Variants in CASKIN1 observed in about 807,000 individuals in gnomAD.
The protein encoded by CASKIN1 is caskin-1.
CASKIN1 carries 42 observed loss-of-function variants against 117.5 expected under a neutral mutation model. The ratio of observed to expected loss-of-function variants is 0.36; its 90% CI spans 0.28 to 0.46. The LOEUF is 0.46. CASKIN1 is among the 20% of genes least tolerant of loss of function. The pLI, the probability that CASKIN1 is intolerant of heterozygous loss-of-function variation, is 1.00. For missense variants in CASKIN1, 2,083 were observed against 2,077.3 expected, an observed-to-expected ratio of 1.00 and a Z score of -0.05; for synonymous variants, 1,148 against 961.7, an observed-to-expected ratio of 1.19 and a Z score of -3.59.
chr16:2,188,343 C>A (rs761142097), intron 6 of CASKIN1, among the ~76,000 whole-genome samples: 10 of 151,200 alleles, frequency 6.6e-5, no homozygotes, highest in Non-Finnish European at 1.5e-5. Flanking sequence ...TGCATCACCA[C>A]AACCAGCCGA....
chr16:2,193,091 C>T (rs1401328955), intron 1 of CASKIN1, among the ~76,000 whole-genome samples: 1 of 152,136 alleles, frequency 6.6e-6, no homozygotes, highest in African/African-American at 2.4e-5. Flanking sequence ...GATCTCGGCT[C>T]ACCACAACCT....
chr16:2,179,485 C>T lies in CASKIN1; in HGVS notation c.3775+108G>A, dbSNP rs1452363533. 5.0e-6 allele frequency: 7 copies of T among 1,387,194 alleles called. No individual in the cohort carries two copies. Among genetic ancestry groups the T allele is most frequent in the South Asian group, 4.7e-5 (3 of 63,952 alleles). The allele number at this position is 1,387,194 out of a possible 1,614,324, so 85.9% of individuals were successfully genotyped here. A position where few individuals can be genotyped will look rare whatever the true frequency, so the allele number is the denominator to read the frequency against. The stretch of plus-strand genomic sequence containing the variant: ...AGAGGGTCTGGGGACACGTTCCCAC[C>T]CCACCTGGGCTTCCATCAAACCCAA... On this transcript the variant is annotated intron_variant, in intron 18 of 19. Coordinates refer to ENST00000343516, the MANE Select transcript of CASKIN1 (RefSeq NM_020764.4). This position sits in a 1 kb window ranked among gnomAD's most constrained non-coding sequence, Gnocchi z 5.8.
chr16:2,188,991 C>T, intron 6 of CASKIN1, 36 bp downstream of exon 6: 1 of 1,592,986 alleles, frequency 6.3e-7, no homozygotes, highest in Non-Finnish European at 8.6e-7. Context: ...ACCCTGGGGA[C>T]CCTAAGGCTG....
intron 14 of CASKIN1, among the ~76,000 whole-genome samples, 178 bp from the exon 15 acceptor site, chr16:2,184,119 G>A (rs891971573): frequency 3.3e-5 from 5 of 151,866 alleles, no homozygotes; most frequent in East Asian, 1.9e-4. Context: ...CCGCGGTCCC[G>A]GAGGCGCCTC....
chr16:2,190,828 G>A (rs1208265727), intron 1 of CASKIN1, among the ~76,000 whole-genome samples: 1 of 152,164 alleles, frequency 6.6e-6, no homozygotes, highest in Non-Finnish European at 1.5e-5. Context: ...TATCTCTGGG[G>A]GAGGATCTGC....
intron 1 of CASKIN1, among the ~76,000 whole-genome samples, chr16:2,195,997 T>C (rs956870755): frequency 6.6e-6 from 1 of 151,754 alleles, no homozygotes; most frequent in Non-Finnish European, 1.5e-5. Context: ...GCCTCGCCCT[T>C]TGAAGGCCCC....
At chr16:2,184,443 G>A (rs920916547) in intron 14 of CASKIN1, among the ~76,000 whole-genome samples, 5 of 152,090 alleles carry the variant, frequency 3.3e-5, no homozygotes, top group Admixed American at 6.5e-5. Context: ...ACCATACGCC[G>A]TGCCCATGCA....
chr16:2,188,903 C>T, intron 6 of CASKIN1, 124 bp downstream of exon 6: 1 of 1,398,736 alleles, frequency 7.1e-7, no homozygotes, highest in African/African-American at 1.4e-5. Flanking sequence ...GAGGCCTGAC[C>T]AGGGACCTGG....
At position 2,177,865 on chromosome 16, in the gene CASKIN1, C is replaced by A. The variant is rs182199125; in HGVS notation, c.*685G>T. 3.4e-6 allele frequency: 1 copy of A among 290,840 alleles called. No homozygotes were observed. Among genetic ancestry groups the A allele is most frequent in the Non-Finnish European group, 6.6e-6 (1 of 151,768 alleles). The allele number at this position is 290,840 out of a possible 1,614,324, so 18.0% of individuals were successfully genotyped here. A position where few individuals can be genotyped will look rare whatever the true frequency, so the allele number is the denominator to read the frequency against. ...ACGGAGGAGCCCCCGGCAGAGCACC[C>A]GCCCCCGGGCCCCAGCCTTCCACCT... On this transcript the variant is annotated 3_prime_UTR_variant, in exon 20 of 20. Coordinates refer to ENST00000343516, the MANE Select transcript of CASKIN1 (RefSeq NM_020764.4).
rs769706479 is a variant in CASKIN1 at position 2,180,470 on chromosome 16, C to A, written c.2898G>T (p.Pro966=). ...CATCCTCAGGCTCGGCGTCAGGCAC[C>A]GGCTCATCCGCCAGGTTGGCACTAG... The part of the protein sequence containing the change: ...ALASANLADE[P]VPDAEPEDGL... The change falls in exon 18 of 20, where the codon CCG becomes CCT. Residue 966 remains proline, a synonymous_variant. Coordinates refer to ENST00000343516, the MANE Select transcript of CASKIN1 (RefSeq NM_020764.4). The A allele has an allele frequency of 6.4e-7, 1 of 1,552,030 alleles. No individual in the cohort carries two copies. Among genetic ancestry groups the A allele is most frequent in the Middle Eastern group, 1.7e-4 (1 of 5,914 alleles).
rs1437225832 is a variant in CASKIN1, at chr16:2,177,906, G to T, written c.*644C>A. 2 of 330,434 alleles carry T rather than the reference G, an allele frequency of 6.1e-6. No homozygotes were observed. Among genetic ancestry groups the T allele is most frequent in the East Asian group, 1.2e-4 (2 of 17,078 alleles). 20.5% of individuals were successfully genotyped at this position (330,434 alleles called of 1,614,324 possible). On this transcript the variant is annotated 3_prime_UTR_variant, in exon 20 of 20. Coordinates refer to ENST00000343516, the MANE Select transcript of CASKIN1 (RefSeq NM_020764.4). ...CCTTCCACCTGTGCTAGCAGCCTGG[G>T]GCCTCCACTCTGGCCGGAGGAAGGA...
intron 1 of CASKIN1, among the ~76,000 whole-genome samples, chr16:2,194,960 G>C (rs59343385): frequency 0.099 from 15,038 of 152,284 alleles, 795 homozygotes; most frequent in African/African-American, 0.13. Context: ...CCCACCGTGA[G>C]GCTGACATCC....
Position 2,178,363 on chromosome 16 carries a change from A to G in CASKIN1, c.*187T>C. On this transcript the variant is annotated 3_prime_UTR_variant, in exon 20 of 20. Coordinates refer to ENST00000343516, the MANE Select transcript of CASKIN1 (RefSeq NM_020764.4). Reference sequence around the variant, plus strand: ...GGACCCGCGGGCGCAGGGTCTGCCTAGAGCCCTTGGAGCCCCCGGCCAGGC... The same window carrying G: ...GGACCCGCGGGCGCAGGGTCTGCCTGGAGCCCTTGGAGCCCCCGGCCAGGC... The G allele has an allele frequency of 2.1e-6, 1 of 468,302 alleles. No individual in the cohort carries two copies. Among genetic ancestry groups the G allele is most frequent in the Non-Finnish European group, 3.8e-6 (1 of 265,256 alleles). The allele number at this position is 468,302 out of a possible 1,614,324, so 29.0% of individuals were successfully genotyped here. A position where few individuals can be genotyped will look rare whatever the true frequency, so the allele number is the denominator to read the frequency against.
Position 2,180,879 on chromosome 16 carries a change from C to T in CASKIN1, c.2489G>A (p.Arg830His), listed in dbSNP as rs901937796. The change falls in exon 18 of 20, where the codon CGC (arginine) becomes CAC (histidine). Residue 830 changes from arginine to histidine, a missense_variant. By Grantham distance (29) the Arg-to-His change is conservative. This residue lies in a region of CASKIN1 where 1,818 missense variants were observed against 1,688.9 expected (regional missense o/e 1.08). Coordinates refer to ENST00000343516, the MANE Select transcript of CASKIN1 (RefSeq NM_020764.4). The part of the protein sequence containing the change: ...PRSLPQSPTH[R>H]GFAYVLPQPV... ...CTGGGGCAGCACGTAGGCAAAGCCG[C>T]GGTGCGTCGGTGACTGAGGCAGGGA... The T allele has an allele frequency of 4.9e-6, 7 of 1,426,126 alleles. No homozygotes were observed. In the South Asian group the frequency reaches 7.9e-5, roughly 16 times the overall value. The allele number at this position is 1,426,126 out of a possible 1,614,324, so 88.3% of individuals were successfully genotyped here.
rs921095844 is a variant in CASKIN1 at position 2,180,803 on chromosome 16, G to A, written c.2565C>T (p.Pro855=). Residue 855 remains proline, a synonymous_variant, in exon 18 of 20, where the codon CCC becomes CCT. Coordinates refer to ENST00000343516, the MANE Select transcript of CASKIN1 (RefSeq NM_020764.4). The part of the protein sequence containing the change: ...GPAAPGPAPP[P]VPTAVPTLCL... The stretch of plus-strand genomic sequence containing the variant: ...ACAGTGTGGGCACAGCCGTCGGCAC[G>A]GGTGGGGGCGCAGGCCCCGGGGCAG... 3.6e-5 allele frequency: 50 copies of A among 1,398,614 alleles called. No individual in the cohort carries two copies. The highest frequency in any genetic ancestry group is 2.4e-4 in the Middle Eastern group (1 of 4,202). The allele number at this position is 1,398,614 out of a possible 1,614,324, so 86.6% of individuals were successfully genotyped here.
rs1330366270 is a variant in CASKIN1, at chr16:2,180,362, CTTCACACTGCCGGCACTACCCGTG to C, written c.2982_3005del (p.Asp994_Lys1002delinsGlu). On this transcript the variant is annotated inframe_deletion, in exon 18 of 20. Coordinates refer to ENST00000343516, the MANE Select transcript of CASKIN1 (RefSeq NM_020764.4). ...ACAGCTCCAGCATGGCCGCGATGCT[CTTCACACTGCCGGCACTACCCGTG>C]TCCACGCTGCCGGCCAGGTCACTGG... 6.3e-7 allele frequency: 1 copy of C among 1,595,606 alleles called. No homozygotes were observed. The highest frequency in any genetic ancestry group is 1.7e-5 in the Admixed American group (1 of 59,530).
At position 2,196,552 on chromosome 16, in the gene CASKIN1, C is replaced by T. The variant is rs2141334640; in HGVS notation, c.-120G>A. 4.4e-6 allele frequency: 1 copy of T among 225,284 alleles called. No individual in the cohort carries two copies. The highest frequency in any genetic ancestry group is 2.4e-5 in the African/African-American group (1 of 42,222). 14.0% of individuals were successfully genotyped at this position (225,284 alleles called of 1,614,324 possible). ...CGCCTCCCCCGCCGCCTCCTCGCCG[C>T]CCGCCGCCCCTTCGCCCTCCTCGGG... is the stretch of plus-strand genomic sequence containing the variant. On this transcript the variant is annotated 5_prime_UTR_variant, in exon 1 of 20. Coordinates refer to ENST00000343516, the MANE Select transcript of CASKIN1 (RefSeq NM_020764.4). This position sits in a 1 kb window ranked among gnomAD's most constrained non-coding sequence, Gnocchi z 5.7.
chr16:2,178,977 T>G lies in CASKIN1; in HGVS notation c.4124A>C (p.Glu1375Ala). 1.4e-6 allele frequency: 2 copies of G among 1,432,456 alleles called. No individual in the cohort carries two copies. The highest frequency in any genetic ancestry group is 9.1e-7 in the Non-Finnish European group (1 of 1,097,506). 88.7% of individuals were successfully genotyped at this position (1,432,456 alleles called of 1,614,324 possible). ...CGCCGCGGCCAGGCACGCGCTTGTC[T>G]CCTCCAGTTTCTGCCGGGCGCTGTC... is the stretch of plus-strand genomic sequence containing the variant. Reference protein sequence around the residue: ...PGDSARQKLEETSACLAAALQ... With the variant: ...PGDSARQKLEATSACLAAALQ... Residue 1375 changes from glutamate (E) to alanine (A), a missense_variant, in exon 19 of 20, where the codon GAG becomes GCG. This residue lies in a region of CASKIN1 where 1,818 missense variants were observed against 1,688.9 expected (regional missense o/e 1.08). Transcript: ENST00000343516.
intron 15 of CASKIN1, 30 bp downstream of exon 15, chr16:2,183,801 G>A: frequency 6.2e-7 from 1 of 1,611,354 alleles, no homozygotes; most frequent in Non-Finnish European, 8.5e-7. Context: ...GTGGGACGCA[G>A]CTGGCGCTGG....
Sources: allele counts gnomAD v4.1 joint callset (sites outside exome capture counted in the v4.1 genomes callset), GRCh38; gene constraint gnomAD v4.1.1; regional missense constraint gnomAD v4.1.1; non-coding constraint Gnocchi (gnomAD v3.1); transcripts MANE v1.5; gene names NCBI Gene and HGNC (gene_info 2026-07-23, HGNC 2026-07-21).